The following FAM184A variants were observed in gnomAD, a reference collection of about 807,000 sequenced individuals.
The protein encoded by FAM184A is family with sequence similarity 184 member A.
A neutral mutation model predicts 143.8 loss-of-function variants in FAM184A; 99 were observed. The observed-to-expected ratio is 0.69, with a 90% CI of 0.58 to 0.81. The LOEUF (loss-of-function observed/expected upper bound fraction) is 0.81. FAM184A is among the 40% of genes least tolerant of loss of function. The pLI is 0.00. For missense variants in FAM184A, 1,217 were observed against 1,310.5 expected, an observed-to-expected ratio of 0.93 and a Z score of 1.10; for synonymous variants, 427 against 446.4, an observed-to-expected ratio of 0.96 and a Z score of 0.55.
At chr6:119,091,390 T>C (rs1248281207) in intron 1 of FAM184A, among the ~76,000 whole-genome samples, 1 of 152,154 alleles carries the variant, frequency 6.6e-6, no homozygotes, top group Non-Finnish European at 1.5e-5. Context: ...TCACATCCTA[T>C]AGGCCAAATC....
At chr6:119,144,420 A>G (rs1772353997) in intron 1 of FAM184A, among the ~76,000 whole-genome samples, 1 of 152,028 alleles carries the variant, frequency 6.6e-6, no homozygotes, top group Non-Finnish European at 1.5e-5. Flanking sequence ...GGGGCTGCCT[A>G]AATTGCTCCA....
intron 1 of FAM184A, among the ~76,000 whole-genome samples, chr6:119,066,812 A>G (rs762290946): frequency 1.3e-5 from 2 of 152,224 alleles, no homozygotes; most frequent in Non-Finnish European, 2.9e-5. Flanking sequence ...ATTGAATTGC[A>G]GAAGTTTTCT....
intron 5 of FAM184A, among the ~76,000 whole-genome samples, chr6:119,015,063 C>CA (rs59729668): frequency 0.087 from 10,844 of 124,666 alleles, 865 homozygotes; most frequent in African/African-American, 0.23. Context: ...GACTCTGTCT[C>CA]AAAAAAAAAA....
intron 11 of FAM184A, among the ~76,000 whole-genome samples, chr6:118,978,808 G>C (rs1783925055): frequency 6.6e-6 from 1 of 152,066 alleles, no homozygotes; most frequent in South Asian, 2.1e-4. Flanking sequence ...AGAATAAAAA[G>C]TTATTGAATG....
chr6:118,970,698 G>C (rs1025358658), intron 14 of FAM184A, among the ~76,000 whole-genome samples: 1 of 152,036 alleles, frequency 6.6e-6, no homozygotes, highest in Non-Finnish European at 1.5e-5. Flanking sequence ...AAATTTTACA[G>C]ATTTCCATTA....
chr6:118,981,416 GT>G (rs1413089246), intron 9 of FAM184A, among the ~76,000 whole-genome samples: 1 of 152,090 alleles, frequency 6.6e-6, no homozygotes, highest in Non-Finnish European at 1.5e-5. Flanking sequence ...TTATATACTG[GT>G]AAAACAGTTT....
intron 1 of FAM184A, among the ~76,000 whole-genome samples, chr6:119,104,774 C>A (rs76607174): frequency 6.6e-6 from 1 of 152,054 alleles, no homozygotes; most frequent in Non-Finnish European, 1.5e-5. Flanking sequence ...ATAAAACGCG[C>A]GAAAAACTGT....
At chr6:118,967,350 T>C (rs1355967989) in intron 14 of FAM184A, among the ~76,000 whole-genome samples, 1 of 152,132 alleles carries the variant, frequency 6.6e-6, no homozygotes, top group Admixed American at 6.5e-5. Flanking sequence ...CACAATACAA[T>C]ACTGTGTGAT....
At chr6:119,101,648 T>C (rs544679831) in intron 1 of FAM184A, among the ~76,000 whole-genome samples, 1 of 152,346 alleles carries the variant, frequency 6.6e-6, no homozygotes, top group Admixed American at 6.5e-5. Flanking sequence ...TTAAATTATA[T>C]GTACAAATCA....
At chr6:119,036,950 C>T (rs931015476) in intron 1 of FAM184A, among the ~76,000 whole-genome samples, 5 of 152,068 alleles carry the variant, frequency 3.3e-5, no homozygotes, top group Non-Finnish European at 7.4e-5. Context: ...AGTCAGTTGT[C>T]AAGAACTACG....
intron 1 of FAM184A, among the ~76,000 whole-genome samples, chr6:119,102,003 C>T (rs762369453): frequency 6.6e-6 from 1 of 151,972 alleles, no homozygotes; most frequent in Non-Finnish European, 1.5e-5. Flanking sequence ...TTGCAGTGAG[C>T]CGAGATCATA....
At chr6:118,994,955 T>C in intron 9 of FAM184A, among the ~76,000 whole-genome samples, 1 of 152,210 alleles carries the variant, frequency 6.6e-6, no homozygotes, top group East Asian at 1.9e-4. Context: ...TCCATAATTG[T>C]TATTGCTCGA....
At chr6:118,994,830 T>C (rs538855272) in intron 9 of FAM184A, among the ~76,000 whole-genome samples, 3 of 152,316 alleles carry the variant, frequency 2.0e-5, no homozygotes, top group Non-Finnish European at 4.4e-5. Flanking sequence ...AATTATAATT[T>C]ATCAGAATCA....
rs115417642 is a variant in FAM184A, at chr6:118,985,471, C to T, written c.2089-5121G>A. Among the ~76,000 whole-genome samples the T allele has an allele frequency of 6.7e-3, 1,021 of 152,284 alleles. 7 individuals are homozygous for T. The highest frequency in any genetic ancestry group is 0.023 in the African/African-American group (969 of 41,540). On this transcript the variant is annotated intron_variant, in intron 9 of 17. Transcript: ENST00000338891. ...TTAATAATTTTTCCAGTAGAGGGGC[C>T]AGCCAGTTTGTGTTTTTGTAGTTTT... is the stretch of plus-strand genomic sequence containing the variant.
At chr6:118,970,008 A>ATATATATATATAT in intron 14 of FAM184A, among the ~76,000 whole-genome samples, 3 of 19,054 alleles carry the variant, frequency 1.6e-4, no homozygotes, top group Non-Finnish European at 3.4e-4. Context: ...ATATATATAT[A>ATATATATATATAT]TTTTTTTTTT....
chr6:118,986,199 A>G (rs1423944378), intron 9 of FAM184A, among the ~76,000 whole-genome samples: 2 of 152,242 alleles, frequency 1.3e-5, no homozygotes, highest in Non-Finnish European at 2.9e-5. Context: ...AGGCTGAGGC[A>G]GGAGAATGGT....
chr6:119,098,662 A>G (rs1037348326), intron 1 of FAM184A, among the ~76,000 whole-genome samples: 3 of 152,330 alleles, frequency 2.0e-5, no homozygotes, highest in Middle Eastern at 6.8e-3. Context: ...GCAGACAGAA[A>G]TGATAGGTCT....
intron 1 of FAM184A, among the ~76,000 whole-genome samples, chr6:119,052,627 C>T (rs992194332): frequency 6.6e-6 from 1 of 152,210 alleles, no homozygotes; most frequent in Non-Finnish European, 1.5e-5. Flanking sequence ...AAAAGTCAAA[C>T]TCTTCTCTGT....
chr6:119,032,550 A>AGAGAAG (rs528608680), intron 1 of FAM184A, among the ~76,000 whole-genome samples: 10 of 133,374 alleles, frequency 7.5e-5, no homozygotes, highest in Non-Finnish European at 1.6e-4. Flanking sequence ...GGGAGAGGGA[A>AGAGAAG]GAGAAGGAGA....
Sources: gnomAD v4.1 joint callset for allele counts (sites outside exome capture counted in the v4.1 genomes callset) on GRCh38, gnomAD v4.1.1 for gene constraint, MANE v1.5 for transcripts, NCBI Gene and HGNC (gene_info 2026-07-23, HGNC 2026-07-21) for gene names.